MACROD2: variants seen among roughly 807,000 people sequenced by gnomAD.
MACROD2 encodes mono-ADP ribosylhydrolase 2, also known as ADP-ribose glycohydrolase MACROD2.
A neutral mutation model predicts 70.4 loss-of-function variants in MACROD2; 36 were observed. The ratio of observed to expected loss-of-function variants is 0.51; its 90% CI spans 0.39 to 0.68. The LOEUF (loss-of-function observed/expected upper bound fraction) is 0.68. Among genes scored for constraint, MACROD2 ranks in the 30% least tolerant of loss-of-function variants. MACROD2 has a pLI of 0.00. For missense variants in MACROD2, 496 were observed against 538.4 expected (o/e 0.92, Z 0.78); for synonymous variants, 172 against 178.8 (o/e 0.96, Z 0.30).
chr20:14,388,226 A>C (rs1289556213), intron 3 of MACROD2, among the ~76,000 whole-genome samples: 1 of 151,738 alleles, frequency 6.6e-6, no homozygotes, highest in Non-Finnish European at 1.5e-5. Flanking sequence ...GTTCGCCAGG[A>C]TGGTCTCGAT....
chr20:14,679,725 C>T (rs1003425172), intron 4 of MACROD2, among the ~76,000 whole-genome samples: 1 of 130,222 alleles, frequency 7.7e-6, no homozygotes, highest in Non-Finnish European at 1.6e-5. Flanking sequence ...TACCATTGCC[C>T]TTTTCTCCCA....
At chr20:15,363,429 G>A (rs979367908) in intron 6 of MACROD2, among the ~76,000 whole-genome samples, 16 of 152,158 alleles carry the variant, frequency 1.1e-4, no homozygotes, top group African/African-American at 3.6e-4. Flanking sequence ...AGAAAGTTTC[G>A]AAAGGCACCA....
intron 5 of MACROD2, among the ~76,000 whole-genome samples, chr20:15,028,257 G>C (rs1380052208): frequency 6.6e-6 from 1 of 152,166 alleles, no homozygotes; most frequent in African/African-American, 2.4e-5. Context: ...GTGGACCTGG[G>C]CTCAGGATAG....
At chr20:14,366,619 C>T (rs2083275973) in intron 3 of MACROD2, among the ~76,000 whole-genome samples, 1 of 152,088 alleles carries the variant, frequency 6.6e-6, no homozygotes, top group Non-Finnish European at 1.5e-5. Flanking sequence ...TCCTCCTTGG[C>T]CTCCGAAAGT....
intron 5 of MACROD2, among the ~76,000 whole-genome samples, chr20:14,967,391 T>C (rs556306438): frequency 2.6e-5 from 4 of 152,112 alleles, no homozygotes; most frequent in African/African-American, 9.7e-5. Context: ...CTCGAATTCC[T>C]GAACTCAGGC....
chr20:14,586,227 C>T (rs1178431987), intron 4 of MACROD2, among the ~76,000 whole-genome samples: 1 of 151,754 alleles, frequency 6.6e-6, no homozygotes, highest in Non-Finnish European at 1.5e-5. Flanking sequence ...TGAGATACTA[C>T]TAAGTGGCTG....
chr20:14,563,388 A>G (rs1307459335), intron 4 of MACROD2, among the ~76,000 whole-genome samples: 1 of 152,002 alleles, frequency 6.6e-6, no homozygotes, highest in Non-Finnish European at 1.5e-5. Context: ...TTTAATAAGT[A>G]AAATATTTAA....
intron 4 of MACROD2, among the ~76,000 whole-genome samples, chr20:14,569,851 T>C (rs1980067350): frequency 6.6e-6 from 1 of 151,730 alleles, no homozygotes; most frequent in Admixed American, 6.6e-5. Context: ...AAAATGCAAG[T>C]GCAAACCACA....
At chr20:14,349,754 A>G (rs1601517786) in intron 3 of MACROD2, among the ~76,000 whole-genome samples, 1 of 150,368 alleles carries the variant, frequency 6.7e-6, no homozygotes, top group Non-Finnish European at 1.5e-5. Context: ...ATTTCATGTA[A>G]TATAATGACC....
chr20:15,129,792 C>T (rs1312763081), intron 5 of MACROD2, among the ~76,000 whole-genome samples: 1 of 152,040 alleles, frequency 6.6e-6, no homozygotes, highest in African/African-American at 2.4e-5. Context: ...GAAACAGATG[C>T]TAGACCTAAA....
rs6043607 is a variant in MACROD2 at position 15,902,393 on chromosome 20, A to G, written c.775+16582A>G. Among the ~76,000 whole-genome samples the G allele has an allele frequency of 3.3e-5, 5 of 152,086 alleles. No homozygotes were observed. The East Asian group carries it at 9.6e-4, about 29-fold the overall frequency. ...TCTCTTGGGGCTTTTATTCTAGGGT[A>G]TGTGGCATTGGGGATTGGCAGATAA... On this transcript the variant is annotated intron_variant, in intron 10 of 17. Transcript: ENST00000684519.
chr20:14,786,675 TGCAGTGG>T (rs1276451959), intron 5 of MACROD2, among the ~76,000 whole-genome samples: 1 of 152,022 alleles, frequency 6.6e-6, no homozygotes, highest in Non-Finnish European at 1.5e-5. Context: ...GTCTTAGGAT[TGCAGTGG>T]GCTCTGTGCA....
chr20:15,343,342 CTGAT>C (rs1391909588), intron 6 of MACROD2, among the ~76,000 whole-genome samples: 1 of 152,182 alleles, frequency 6.6e-6, no homozygotes, highest in Non-Finnish European at 1.5e-5. Flanking sequence ...TGGTGTCACT[CTGAT>C]TGAGGATAAA....
chr20:15,502,452 TAGAG>T (rs1195887719), intron 8 of MACROD2, among the ~76,000 whole-genome samples: 1 of 152,202 alleles, frequency 6.6e-6, no homozygotes, highest in African/African-American at 2.4e-5. Context: ...TTGTGGTTCA[TAGAG>T]AGACTGTGAA....
chr20:15,914,068 A>T (rs1568636473), intron 10 of MACROD2, among the ~76,000 whole-genome samples: 1 of 152,252 alleles, frequency 6.6e-6, no homozygotes, highest in Non-Finnish European at 1.5e-5. Context: ...AGAGTAGTGG[A>T]CATGGTAATA....
intron 4 of MACROD2, among the ~76,000 whole-genome samples, chr20:14,499,362 C>T (rs1027236761): frequency 6.6e-6 from 1 of 152,064 alleles, no homozygotes; most frequent in African/African-American, 2.4e-5. Flanking sequence ...GACACCTCAT[C>T]TCTACAAAAA....
At chr20:15,203,839 A>G (rs543077855) in intron 5 of MACROD2, among the ~76,000 whole-genome samples, 41 of 152,234 alleles carry the variant, frequency 2.7e-4, no homozygotes, top group African/African-American at 9.9e-4. Flanking sequence ...CCTATGTTAA[A>G]TTAATAATCT....
intron 8 of MACROD2, among the ~76,000 whole-genome samples, chr20:15,530,708 C>T (rs1044288711): frequency 7.6e-6 from 1 of 132,332 alleles, no homozygotes; most frequent in Non-Finnish European, 1.6e-5. Flanking sequence ...GAGTGAGACT[C>T]CATCTCACAA....
intron 6 of MACROD2, among the ~76,000 whole-genome samples, chr20:15,234,012 C>CTTTTTTTTT (rs1177498607): frequency 3.4e-5 from 1 of 29,184 alleles, no homozygotes; most frequent in Non-Finnish European, 5.8e-5. Context: ...TATATATATT[C>CTTTTTTTTT]TTTTTTTTTT....
Sources: gnomAD v4.1 joint callset for allele counts (sites outside exome capture counted in the v4.1 genomes callset) on GRCh38, gnomAD v4.1.1 for gene constraint, MANE v1.5 for transcripts, NCBI Gene and HGNC (gene_info 2026-07-23, HGNC 2026-07-21) for gene names.